PBRM1: variants seen among roughly 807,000 people sequenced by gnomAD.
PBRM1 encodes polybromo 1.
In PBRM1, 27 loss-of-function variants were observed where a neutral mutation model predicts 194.5. The ratio of observed to expected loss-of-function variants is 0.14; its 90% CI spans 0.10 to 0.19. The LOEUF (loss-of-function observed/expected upper bound fraction) is 0.19. PBRM1 is among the 10% of genes least tolerant of loss of function. The pLI is 1.00. For synonymous variants in PBRM1, 655 were observed against 693.2 expected (o/e 0.94, Z 0.87); for missense variants, 1,466 against 2,077.2 (o/e 0.71, Z 5.72).
chr3:52,592,432 G>A lies in PBRM1; in HGVS notation c.2780-3177C>T, dbSNP rs1440561336. Among the ~76,000 whole-genome samples, 6 of 152,262 alleles carry A rather than the reference G, an allele frequency of 3.9e-5. No individual in the cohort carries two copies. The East Asian group carries it at 1.2e-3, about 29-fold the overall frequency. ...CAGGCATGAGCCACCACACCTGGCT[G>A]TCTTTAGTTCTTTTTTATGTGATGA... is the stretch of plus-strand genomic sequence containing the variant. On this transcript the variant is annotated intron_variant, in intron 17 of 29. Transcript: ENST00000296302.
rs139168609 is a variant in PBRM1, at chr3:52,611,261, T to C, written c.1925-1306A>G. Among the ~76,000 whole-genome samples the C allele has an allele frequency of 5.2e-3, 792 of 152,310 alleles. 9 individuals carry two copies. The highest frequency in any genetic ancestry group is 0.018 in the African/African-American group (732 of 41,566). ...AAGTTTCTCTATAGCTAATAAGGAA[T>C]AAAATTAAAAACTATCACAATTTTA... On this transcript the variant is annotated intron_variant, in intron 15 of 29. Transcript: ENST00000296302.
rs1023268239 is a variant in PBRM1, at chr3:52,576,401, T to G, written c.3691+140A>C. The G allele has an allele frequency of 5.7e-6, 3 of 527,454 alleles. No homozygotes were observed. In the African/African-American group the frequency reaches 5.9e-5, roughly 10 times the overall value. 32.7% of individuals were successfully genotyped at this position (527,454 alleles called of 1,614,324 possible). ...TAATTTATCGACTGACTCCCCAATC[T>G]CTGCCCCAACATAAGAGAACAGAGA... is the stretch of plus-strand genomic sequence containing the variant. On this transcript the variant is annotated intron_variant, in intron 22 of 29. Transcript: ENST00000296302.
At chr3:52,672,654 C>T (rs2096976620) in intron 2 of PBRM1, among the ~76,000 whole-genome samples, 1 of 151,924 alleles carries the variant, frequency 6.6e-6, no homozygotes, top group Non-Finnish European at 1.5e-5. Context: ...ACCACCACGC[C>T]CGGCTAATTT....
At chr3:52,594,634 T>G (rs765558267) in intron 17 of PBRM1, among the ~76,000 whole-genome samples, 2 of 152,206 alleles carry the variant, frequency 1.3e-5, no homozygotes, top group African/African-American at 4.8e-5. Flanking sequence ...CATTGTGTTG[T>G]TAGCTGGAAG....
intron 11 of PBRM1, among the ~76,000 whole-genome samples, chr3:52,632,635 T>TC (rs1349542633): frequency 1.3e-5 from 2 of 148,392 alleles, no homozygotes; most frequent in East Asian, 3.9e-4. Context: ...AAGGTTACTA[T>TC]CCCCCCCAAT....
At position 52,676,153 on chromosome 3, in the gene PBRM1, T is replaced by TG. The variant is rs1431980963; in HGVS notation, c.236+2346_236+2347insC. On this transcript the variant is annotated intron_variant, in intron 2 of 29. Coordinates refer to ENST00000296302, the Ensembl canonical transcript of PBRM1. ...AAAAAAAAAAAAAAAAAAAAAAAAA[T>TG]AATGAATGAAGCGGGATCCTTACCT... 4.1e-4 allele frequency among the ~76,000 whole-genome samples: 29 copies of TG among 71,108 alleles called. 2 individuals carry two copies. In the South Asian group the frequency reaches 0.012, roughly 30 times the overall value. 46.6% of individuals were successfully genotyped at this position (71,108 alleles called of 152,430 possible).
intron 15 of PBRM1, among the ~76,000 whole-genome samples, chr3:52,612,275 A>AAAAAAAAAAAAAAT (rs2094673267): frequency 6.7e-6 from 1 of 149,434 alleles, no homozygotes; most frequent in Admixed American, 6.7e-5. Flanking sequence ...AAAAAAAAAA[A>AAAAAAAAAAAAAAT]AAAAAAAGAG....
chr3:52,678,657 C>A, intron 1 of PBRM1, 60 bp from the exon 3 acceptor site: 1 of 1,049,196 alleles, frequency 9.5e-7, no homozygotes. Context: ...CCAGTGTAGA[C>A]ATAAGAATTA....
intron 22 of PBRM1, among the ~76,000 whole-genome samples, chr3:52,576,057 A>G (rs538861537): frequency 1.1e-4 from 16 of 152,268 alleles, no homozygotes; most frequent in African/African-American, 3.8e-4. Flanking sequence ...AGGAAAAAAA[A>G]GGTAAAGAAA....
At chr3:52,642,740 G>C (rs909479138) in intron 9 of PBRM1, among the ~76,000 whole-genome samples, 2 of 151,572 alleles carry the variant, frequency 1.3e-5, no homozygotes, top group Non-Finnish European at 2.9e-5. Context: ...GAGAAACAAT[G>C]CTTAAGCATC....
chr3:52,570,702 T>C (rs1228589568), intron 22 of PBRM1, among the ~76,000 whole-genome samples: 3 of 152,202 alleles, frequency 2.0e-5, no homozygotes, highest in Non-Finnish European at 4.4e-5. Context: ...TTGATTGGAA[T>C]TGGAACGAAC....
intron 2 of PBRM1, among the ~76,000 whole-genome samples, chr3:52,671,038 G>GA (rs1398141658): frequency 2.0e-5 from 3 of 152,176 alleles, no homozygotes; most frequent in Admixed American, 6.5e-5. Flanking sequence ...AGTCATCTCA[G>GA]ACCATGCAGG....
intron 10 of PBRM1, among the ~76,000 whole-genome samples, chr3:52,637,796 A>AAAAAAAAAAAAAAAAAAC (rs2095880787): frequency 6.8e-6 from 1 of 146,004 alleles, no homozygotes; most frequent in Non-Finnish European, 1.5e-5. Context: ...AAAAAAAAAA[A>AAAAAAAAAAAAAAAAAAC]ATTAGCCGGG....
intron 4 of PBRM1, 97 bp from the exon 6 acceptor site, chr3:52,658,412 CTTT>C (rs200866604): frequency 2.4e-3 from 1,079 of 442,440 alleles, no homozygotes; most frequent in South Asian, 2.9e-3. Context: ...AAAACAGCAA[CTTT>C]TTTTTTTTTT....
intron 19 of PBRM1, among the ~76,000 whole-genome samples, chr3:52,586,942 T>C (rs779016575): frequency 1.8e-4 from 27 of 152,142 alleles, no homozygotes; most frequent in Non-Finnish European, 3.2e-4. Context: ...TTACAATTGC[T>C]CTTTGAAAAC....
intron 11 of PBRM1, among the ~76,000 whole-genome samples, chr3:52,633,477 T>C (rs1262831812): frequency 1.2e-4 from 19 of 152,124 alleles, no homozygotes; most frequent in Admixed American, 1.2e-3. Flanking sequence ...TGAACACAGG[T>C]TTACAAATAC....
At chr3:52,627,971 T>C (rs980066265) in intron 12 of PBRM1, among the ~76,000 whole-genome samples, 3 of 152,314 alleles carry the variant, frequency 2.0e-5, no homozygotes, top group Middle Eastern at 3.4e-3. Context: ...GTTGCTTCAT[T>C]GTTCAGAGAT....
At chr3:52,564,069 C>T (rs2153523203) in exon 23 of PBRM1, 2 of 1,605,118 alleles carry the variant, frequency 1.2e-6, no homozygotes, top group Admixed American at 1.7e-5. Flanking sequence ...TAAATTTCAT[C>T]ATCTACCACT....
At chr3:52,591,511 GTTTTTTT>G (rs57736913) in intron 17 of PBRM1, among the ~76,000 whole-genome samples, 4 of 71,840 alleles carry the variant, frequency 5.6e-5, no homozygotes, top group Non-Finnish European at 7.6e-5. Flanking sequence ...TTTTGTCTTT[GTTTTTTT>G]TTTTTTTTTT....
Sources: allele counts gnomAD v4.1 joint callset (sites outside exome capture counted in the v4.1 genomes callset), GRCh38; gene constraint gnomAD v4.1.1; transcripts MANE v1.5; gene names NCBI Gene and HGNC (gene_info 2026-07-23, HGNC 2026-07-21).